NOMO1: variants seen among roughly 807,000 people sequenced by gnomAD.
The protein encoded by NOMO1 is nodal modulator 3.
Under a neutral mutation model 133.8 loss-of-function variants are expected in NOMO1, and 40 were observed. The observed-to-expected ratio is 0.30, with a 90% CI of 0.23 to 0.39. The LOEUF (loss-of-function observed/expected upper bound fraction) is 0.39, where lower values mean the gene tolerates loss of function less well. Among genes scored for constraint, NOMO1 ranks in the 10% least tolerant of loss-of-function variants. NOMO1 has a pLI of 1.00. For synonymous variants in NOMO1, 236 were observed against 570.5 expected (o/e 0.41, Z 8.36); for missense variants, 462 against 1,419.9 (o/e 0.33, Z 10.84).
intron 15 of NOMO1, among the ~76,000 whole-genome samples, chr16:14,867,252 A>G (rs1188596066): frequency 4.3e-5 from 3 of 70,352 alleles, no homozygotes; most frequent in South Asian, 6.3e-4. Context: ...CAGTGGTGCA[A>G]TCTCGGCTCA....
chr16:14,843,742 T>C (rs1312357663), intron 3 of NOMO1, among the ~76,000 whole-genome samples: 2 of 140,734 alleles, frequency 1.4e-5, no homozygotes, highest in African/African-American at 2.7e-5. Flanking sequence ...TGTGTGTGTG[T>C]GCATGTACGC....
At chr16:14,892,821 G>T (rs1333880162) in intron 29 of NOMO1, among the ~76,000 whole-genome samples, 1 of 148,822 alleles carries the variant, frequency 6.7e-6, no homozygotes, top group African/African-American at 2.5e-5. Context: ...AGCAGAACCA[G>T]GACTCAAGTG....
intron 18 of NOMO1, among the ~76,000 whole-genome samples, chr16:14,874,317 G>A (rs977581329): frequency 1.3e-5 from 2 of 151,752 alleles, no homozygotes; most frequent in Admixed American, 6.6e-5. Context: ...TGACTCTTCC[G>A]TGGGCCCCTG....
chr16:14,856,446 G>A (rs1465194488), intron 9 of NOMO1, among the ~76,000 whole-genome samples: 1 of 151,590 alleles, frequency 6.6e-6, no homozygotes, highest in East Asian at 1.9e-4. Flanking sequence ...CTTTGAGACA[G>A]AGTCTTGCTG....
At chr16:14,857,745 G>C (rs1309558414) in intron 11 of NOMO1, 90 bp downstream of exon 11, 7 of 1,570,854 alleles carry the variant, frequency 4.5e-6, no homozygotes, top group Middle Eastern at 1.7e-4. Context: ...TGTCTTTGCC[G>C]AGCTTAAGAA....
In NOMO1 at chr16:14,878,821, C is replaced by T; in HGVS notation, c.2744C>T (p.Thr915Ile). ...NLLTQDNGIL[T>I]FSNLSPGQYY... The stretch of plus-strand genomic sequence containing the variant: ...TTGACCCAGGACAACGGCATTCTGA[C>T]ATTCTCAAACCTGGTAACGTGTTCT... The change falls in exon 23 of 31, where the codon ACA becomes ATA. Residue 915 changes from threonine (T) to isoleucine (I), a missense_variant. Thr to Ile is a moderately conservative substitution (Grantham distance 89). Coordinates refer to ENST00000287667, the MANE Select transcript of NOMO1 (RefSeq NM_014287.4). 1 of 1,611,816 alleles carries T rather than the reference C, an allele frequency of 6.2e-7. No homozygotes were observed. Among genetic ancestry groups the T allele is most frequent in the East Asian group, 2.2e-5 (1 of 44,874 alleles).
At position 14,886,878 on chromosome 16, in the gene NOMO1, G is replaced by A. The variant is rs368413907; in HGVS notation, c.3324+16G>A. 44 of 1,611,432 alleles carry A rather than the reference G, an allele frequency of 2.7e-5. 1 individual carries two copies. The highest frequency in any genetic ancestry group is 9.4e-5 in the African/African-American group (7 of 74,824). On this transcript the variant is annotated intron_variant, in intron 28 of 30. Coordinates refer to ENST00000287667, the MANE Select transcript of NOMO1 (RefSeq NM_014287.4). ...AGACGGCGAGGTAATGCCTGTGGCCGGATTCTACCTTCTGCCTTTGTTTTA... is the reference window on the plus strand; with the variant it reads ...AGACGGCGAGGTAATGCCTGTGGCCAGATTCTACCTTCTGCCTTTGTTTTA...
intron 27 of NOMO1, 92 bp from the exon 28 acceptor site, chr16:14,886,669 C>T: frequency 1.9e-6 from 3 of 1,607,660 alleles, no homozygotes; most frequent in South Asian, 1.1e-5. Context: ...CAAAGACACC[C>T]ACCCAGAAAG....
chr16:14,880,421 C>G (rs1454842451), intron 24 of NOMO1, among the ~76,000 whole-genome samples: 6 of 151,936 alleles, frequency 3.9e-5, no homozygotes, highest in Non-Finnish European at 5.9e-5. Context: ...GACGGGGTTT[C>G]ATTCTTCTTG....
rs1963792038 is a variant in NOMO1 at position 14,853,607 on chromosome 16, G to A, written c.873+3G>A. The stretch of plus-strand genomic sequence containing the variant: ...TGCCAAGTGGGGGCTACACTGTGGT[G>A]AGTAAAGCAGATTTCCGTTCTGTTT... On this transcript the variant is annotated splice_donor_region_variant and intron_variant, in intron 8 of 30. Transcript: ENST00000287667. 3.1e-6 allele frequency: 5 copies of A among 1,611,296 alleles called. No homozygotes were observed. The highest frequency in any genetic ancestry group is 2.7e-5 in the African/African-American group (2 of 74,490).
intron 26 of NOMO1, among the ~76,000 whole-genome samples, chr16:14,883,578 C>T (rs1964276340): frequency 6.6e-6 from 1 of 151,774 alleles, no homozygotes; most frequent in African/African-American, 2.4e-5. Context: ...GTGATCTGCT[C>T]GCTTCGGCCT....
intron 27 of NOMO1, among the ~76,000 whole-genome samples, chr16:14,885,891 T>C (rs1331390342): frequency 6.6e-6 from 1 of 151,908 alleles, no homozygotes; most frequent in Non-Finnish European, 1.5e-5. Context: ...CTTAAGATGT[T>C]ATAGAAGAAA....
At chr16:14,894,320 A>G in intron 29 of NOMO1, among the ~76,000 whole-genome samples, 1 of 152,124 alleles carries the variant, frequency 6.6e-6, no homozygotes, top group Non-Finnish European at 1.5e-5. Context: ...AGGGCACACC[A>G]CTTCCCTAGG....
At chr16:14,879,940 A>G in intron 23 of NOMO1, 75 bp from the exon 24 acceptor site, 1 of 1,605,866 alleles carries the variant, frequency 6.2e-7, no homozygotes, top group South Asian at 1.1e-5. Flanking sequence ...ATTCTGGTCC[A>G]TCGTGACATT....
chr16:14,873,943 C>T (rs1266183807), intron 18 of NOMO1, among the ~76,000 whole-genome samples: 3 of 151,664 alleles, frequency 2.0e-5, no homozygotes, highest in African/African-American at 4.8e-5. Context: ...TAGGCCCAGC[C>T]AATTCCCCAA....
At chr16:14,874,217 C>T (rs538192403) in intron 18 of NOMO1, among the ~76,000 whole-genome samples, 8 of 151,938 alleles carry the variant, frequency 5.3e-5, no homozygotes, top group East Asian at 1.9e-4. Context: ...TACCATTCCT[C>T]GACTGAAAAC....
chr16:14,874,286 C>T (rs1964121983), intron 18 of NOMO1, among the ~76,000 whole-genome samples: 1 of 151,830 alleles, frequency 6.6e-6, no homozygotes, highest in African/African-American at 2.4e-5. Context: ...TCTGCTGCCC[C>T]TTGGACCTCT....
rs779698136 is a variant in NOMO1, at chr16:14,868,646, A to G, written c.1894+11A>G. 1.3e-6 allele frequency: 2 copies of G among 1,546,380 alleles called. No homozygotes were observed. The highest frequency in any genetic ancestry group is 1.8e-6 in the Non-Finnish European group (2 of 1,123,234). On this transcript the variant is annotated intron_variant, in intron 16 of 30. Coordinates refer to ENST00000287667, the MANE Select transcript of NOMO1 (RefSeq NM_014287.4). The stretch of plus-strand genomic sequence containing the variant: ...GCCTGTCCAAGCCTGGTAAGTTTGG[A>G]AGGATTGATGTGCCATGAATTAGAA...
At chr16:14,866,783 G>C in intron 15 of NOMO1, 92 bp downstream of exon 15, 1 of 1,607,942 alleles carries the variant, frequency 6.2e-7, no homozygotes, top group Admixed American at 1.7e-5. Context: ...TGTAAACGTA[G>C]GCAAGTTAGA....
Sources: gnomAD v4.1 joint callset for allele counts (sites outside exome capture counted in the v4.1 genomes callset) on GRCh38, gnomAD v4.1.1 for gene constraint, MANE v1.5 for transcripts, NCBI Gene and HGNC (gene_info 2026-07-23, HGNC 2026-07-21) for gene names.